The following LIMCH1 variants were observed in gnomAD, a reference collection of about 807,000 sequenced individuals.
The protein encoded by LIMCH1 is LIM and calponin homology domains 1.
In LIMCH1, 113 loss-of-function variants were observed where a neutral mutation model predicts 176.5. That is an observed-to-expected ratio of 0.64 (90% confidence interval 0.55 to 0.75). The LOEUF (loss-of-function observed/expected upper bound fraction) is 0.75, where lower values mean the gene tolerates loss of function less well. Among genes scored for constraint, LIMCH1 ranks in the 30% least tolerant of loss-of-function variants. LIMCH1 has a pLI of 0.00. For synonymous variants in LIMCH1, 619 were observed against 645.9 expected, an observed-to-expected ratio of 0.96 and a Z score of 0.63; for missense variants, 1,674 against 1,814.9, an observed-to-expected ratio of 0.92 and a Z score of 1.41.
intron 1 of LIMCH1, among the ~76,000 whole-genome samples, chr4:41,479,375 C>T (rs2068217279): frequency 6.6e-6 from 1 of 152,176 alleles, no homozygotes; most frequent in Non-Finnish European, 1.5e-5. Context: ...CCTCAGCCTC[C>T]CAAGTAGCTG....
chr4:41,649,553 A>T (rs1030655685), intron 17 of LIMCH1, among the ~76,000 whole-genome samples: 1 of 152,204 alleles, frequency 6.6e-6, no homozygotes, highest in African/African-American at 2.4e-5. Context: ...TGTTACTTTA[A>T]ATTTTGCATC....
chr4:41,674,221 TACTTG>T, intron 22 of LIMCH1, among the ~76,000 whole-genome samples: 1 of 152,300 alleles, frequency 6.6e-6, no homozygotes, highest in South Asian at 2.1e-4. Flanking sequence ...GCCCACTCCT[TACTTG>T]ACTTATTCCT....
chr4:41,581,805 C>CA lies in LIMCH1; in HGVS notation c.-240-17090dup, dbSNP rs56150312. 8.0e-3 allele frequency among the ~76,000 whole-genome samples: 609 copies of CA among 76,016 alleles called. 12 individuals are homozygous for CA. Among genetic ancestry groups the CA allele is most frequent in the Middle Eastern group, 0.016 (2 of 128 alleles). The allele number at this position is 76,016 out of a possible 152,430, so 49.9% of individuals were successfully genotyped here. ...TGGGCAACAGAGCAAGACTCTGTCT[C>CA]AAAAAAAAAAAAAAAAAAAAAAAAA... On this transcript the variant is annotated intron_variant, in intron 1 of 31. Transcript: ENST00000503057.
intron 1 of LIMCH1, among the ~76,000 whole-genome samples, chr4:41,547,537 T>C (rs1415871893): frequency 6.6e-6 from 1 of 150,684 alleles, no homozygotes; most frequent in African/African-American, 2.4e-5. Context: ...CATTTTTTCA[T>C]CTGTAAAATG....
At chr4:41,433,676 CTT>C (rs35230578) in intron 1 of LIMCH1, among the ~76,000 whole-genome samples, 51 of 130,214 alleles carry the variant, frequency 3.9e-4, no homozygotes, top group African/African-American at 1.3e-3. Context: ...TGTTAGTCTT[CTT>C]TTTTTTTTTT....
intron 9 of LIMCH1, 49 bp downstream of exon 9, chr4:41,629,783 A>G (rs1310029322): frequency 6.7e-7 from 1 of 1,484,148 alleles, no homozygotes; most frequent in Non-Finnish European, 8.9e-7. Flanking sequence ...ATGGTATTTC[A>G]TTTTGAAGGC....
upstream of LIMCH1, among the ~76,000 whole-genome samples, chr4:41,537,697 A>C (rs1457229640): frequency 2.0e-5 from 3 of 152,222 alleles, no homozygotes; most frequent in Non-Finnish European, 4.4e-5. Flanking sequence ...TGATATACAT[A>C]AAATACCTAA....
chr4:41,390,281 C>T (rs1274115559), intron 1 of LIMCH1, among the ~76,000 whole-genome samples: 3 of 142,038 alleles, frequency 2.1e-5, no homozygotes, highest in Admixed American at 6.8e-5. Context: ...AGAGCGAGAG[C>T]GCTCCTCATG....
intron 1 of LIMCH1, among the ~76,000 whole-genome samples, chr4:41,374,567 T>A (rs1438019263): frequency 1.3e-5 from 1 of 77,316 alleles, no homozygotes; most frequent in Non-Finnish European, 2.1e-5. Context: ...TTTCATTCAA[T>A]TTTTTTTTTT....
chr4:41,505,774 A>G (rs1003081993), intron 2 of LIMCH1, among the ~76,000 whole-genome samples: 1 of 152,160 alleles, frequency 6.6e-6, no homozygotes, highest in Non-Finnish European at 1.5e-5. Context: ...CTCATTGGAC[A>G]CTGGTGTAGC....
intron 1 of LIMCH1, among the ~76,000 whole-genome samples, chr4:41,396,348 A>G (rs1021777779): frequency 2.6e-5 from 4 of 152,162 alleles, no homozygotes; most frequent in Admixed American, 2.6e-4. Context: ...CTGCATGTCT[A>G]TTTCTACTAA....
intron 3 of LIMCH1, among the ~76,000 whole-genome samples, chr4:41,530,217 A>G (rs1350364400): frequency 2.0e-5 from 3 of 152,228 alleles, no homozygotes; most frequent in Non-Finnish European, 4.4e-5. Context: ...AAAACTAGAC[A>G]TACAAGGCTG....
At chr4:41,460,524 T>C (rs905518834) in intron 1 of LIMCH1, among the ~76,000 whole-genome samples, 2 of 147,766 alleles carry the variant, frequency 1.4e-5, no homozygotes, top group Non-Finnish European at 3.0e-5. Context: ...CAAAAAGATT[T>C]TTTTTAAGTT....
intron 2 of LIMCH1, among the ~76,000 whole-genome samples, chr4:41,503,886 A>T (rs375123569): frequency 6.6e-6 from 1 of 152,070 alleles, no homozygotes; most frequent in South Asian, 2.1e-4. Flanking sequence ...GTTTGGGCTG[A>T]TGCTTCCAGG....
At chr4:41,626,233 G>C (rs531451445) in intron 7 of LIMCH1, among the ~76,000 whole-genome samples, 24 of 152,176 alleles carry the variant, frequency 1.6e-4, no homozygotes, top group African/African-American at 5.5e-4. Flanking sequence ...TTTGTAATCT[G>C]TTACACATTC....
rs1583158418 is a variant in LIMCH1 at position 41,498,386 on chromosome 4, T to A, written c.167+3780T>A. ...AATACTAATACATAAATGTATAACTTAGAGTAATAGCAAGTATAAAATAGA... is the reference window on the plus strand; with the variant it reads ...AATACTAATACATAAATGTATAACTAAGAGTAATAGCAAGTATAAAATAGA... On this transcript the variant is annotated intron_variant, in intron 2 of 26. Transcript: ENST00000313860. Among the ~76,000 whole-genome samples the A allele has an allele frequency of 2.0e-5, 3 of 152,308 alleles. No individual in the cohort carries two copies. The South Asian group carries it at 6.2e-4, about 32-fold the overall frequency.
At chr4:41,585,315 T>A (rs2086248465) in intron 1 of LIMCH1, among the ~76,000 whole-genome samples, 2 of 152,248 alleles carry the variant, frequency 1.3e-5, no homozygotes, top group Non-Finnish European at 2.9e-5. Flanking sequence ...TGTTCTTTTG[T>A]GTCTGACTTA....
At chr4:41,470,875 G>A (rs2066859673) in intron 1 of LIMCH1, among the ~76,000 whole-genome samples, 1 of 151,936 alleles carries the variant, frequency 6.6e-6, no homozygotes, top group Non-Finnish European at 1.5e-5. Context: ...TAGGGCCTGG[G>A]TTGAAAGGAC....
chr4:41,444,752 C>G (rs1461778217), intron 1 of LIMCH1, among the ~76,000 whole-genome samples: 1 of 152,178 alleles, frequency 6.6e-6, no homozygotes, highest in African/African-American at 2.4e-5. Flanking sequence ...TCTTGCTCAA[C>G]ATTGGGGATT....
Sources: allele counts gnomAD v4.1 joint callset (sites outside exome capture counted in the v4.1 genomes callset), GRCh38; gene constraint gnomAD v4.1.1; transcripts MANE v1.5; gene names NCBI Gene and HGNC (gene_info 2026-07-23, HGNC 2026-07-21).